Variants in NFASC observed in about 807,000 individuals in gnomAD.
NFASC encodes the protein neurofascin.
A neutral mutation model predicts 147.5 loss-of-function variants in NFASC; 43 were observed. The ratio of observed to expected loss-of-function variants is 0.29; its 90% CI spans 0.23 to 0.38. The LOEUF is 0.38. NFASC is among the 10% of genes least tolerant of loss of function. The pLI, the probability that NFASC is intolerant of heterozygous loss-of-function variation, is 1.00. For missense variants in NFASC, 1,320 were observed against 1,689.0 expected, an observed-to-expected ratio of 0.78 and a Z score of 3.83; for synonymous variants, 622 against 665.5, an observed-to-expected ratio of 0.93 and a Z score of 1.01.
chr1:204,861,078 C>CTTTTTT (rs1162020795), intron 1 of NFASC, among the ~76,000 whole-genome samples: 1 of 68,946 alleles, frequency 1.5e-5, no homozygotes. Context: ...ACTTGCTTTC[C>CTTTTTT]TTTTTTTTTT....
chr1:204,972,960 G>A (rs947535595), intron 11 of NFASC, among the ~76,000 whole-genome samples: 1 of 152,244 alleles, frequency 6.6e-6, no homozygotes, highest in Non-Finnish European at 1.5e-5. Flanking sequence ...AGGAAGTGAT[G>A]TGGTTAGAAC....
intron 2 of NFASC, among the ~76,000 whole-genome samples, chr1:204,937,152 T>G (rs2092924888): frequency 7.1e-6 from 1 of 140,002 alleles, no homozygotes. Context: ...GTTTCTTTCT[T>G]TAAAAAAAAA....
Position 204,944,367 on chromosome 1 carries a change from C to T in NFASC, c.52C>T (p.Leu18Phe). ...GGTCCATGCAGCCTTCCTCCTCTGC[C>T]TCCTCAGTCTTGGCGGAGCCATCGA... Reference protein sequence around the residue: ...PWVHAAFLLCLLSLGGAIEIP... With the variant: ...PWVHAAFLLCFLSLGGAIEIP... Residue 18 changes from leucine (L) to phenylalanine (F), a missense_variant, in exon 3 of 30, where the codon CTC becomes TTC. By Grantham distance (22) the Leu-to-Phe change is conservative (BLOSUM62 0). Around this residue, in one of 3 missense-constraint regions of NFASC, gnomAD observed 981 missense variants for 1,289.5 expected, o/e 0.76. Transcript: ENST00000339876. 2 of 1,613,156 alleles carry T rather than the reference C, an allele frequency of 1.2e-6. No homozygotes were observed. Among genetic ancestry groups the T allele is most frequent in the South Asian group, 1.1e-5 (1 of 90,994 alleles).
intron 1 of NFASC, among the ~76,000 whole-genome samples, chr1:204,894,549 AC>A (rs917818375): frequency 2.0e-5 from 3 of 152,218 alleles, no homozygotes; most frequent in African/African-American, 7.2e-5. Flanking sequence ...CCTTCTGCCT[AC>A]CACCTCTTGT....
At position 204,976,666 on chromosome 1, in the gene NFASC, TG is replaced by T; in HGVS notation, c.1707-4del. On this transcript the variant is annotated splice_polypyrimidine_tract_variant and splice_region_variant and intron_variant, in intron 15 of 29. Coordinates refer to ENST00000339876, the MANE Select transcript of NFASC (RefSeq NM_001005388.3). ...CCTCCCAACCCTTCCTCGGTACCTT[TG>T]CAGGATGAAGAAGGAAGACGACTCC... 6.2e-7 allele frequency: 1 copy of T among 1,609,370 alleles called. No homozygotes were observed. Among genetic ancestry groups the T allele is most frequent in the Non-Finnish European group, 8.5e-7 (1 of 1,176,376 alleles).
intron 1 of NFASC, among the ~76,000 whole-genome samples, chr1:204,865,097 A>G (rs896658441): frequency 2.0e-5 from 3 of 151,998 alleles, no homozygotes; most frequent in African/African-American, 7.2e-5. Context: ...CCCATTTTTG[A>G]CTCAGTTTTT....
intron 1 of NFASC, among the ~76,000 whole-genome samples, chr1:204,847,784 A>C (rs1421710755): frequency 3.9e-5 from 6 of 152,050 alleles, no homozygotes; most frequent in Admixed American, 3.9e-4. Context: ...GAGGCAGGCC[A>C]CTTTATATTT....
At position 204,986,102 on chromosome 1, in the gene NFASC, AC is replaced by A. The variant is rs777595486; in HGVS notation, c.2471-1312del. ...TCGCAGTGAGACCAAGGAGTTCACC[AC>A]CCCGGAAGGAGGTAGGTCTGGCCTG... is the stretch of plus-strand genomic sequence containing the variant. On this transcript the variant is annotated intron_variant, in intron 21 of 29. Coordinates refer to ENST00000339876, the MANE Select transcript of NFASC (RefSeq NM_001005388.3). The surrounding 1 kb of genome is among the most constrained non-coding windows in gnomAD (Gnocchi z 4.2). 48 of 1,613,410 alleles carry A rather than the reference AC, an allele frequency of 3.0e-5. No individual in the cohort carries two copies. The highest frequency in any genetic ancestry group is 4.0e-5 in the Non-Finnish European group (47 of 1,179,476).
intron 2 of NFASC, among the ~76,000 whole-genome samples, chr1:204,926,943 C>T (rs561347527): frequency 6.6e-6 from 1 of 151,882 alleles, no homozygotes. Flanking sequence ...TGCACGGCAG[C>T]GGGTGCCTGT....
rs1190795149 is a variant in NFASC at position 205,015,401 on chromosome 1, GA to G, written c.3492-906del. On this transcript the variant is annotated intron_variant, in intron 29 of 29. Transcript: ENST00000339876. The surrounding 1 kb of genome is among the most constrained non-coding windows in gnomAD (Gnocchi z 4.0). ...GCCAGCACCACCTGGTCCCCACTCT[GA>G]GCCTTTCCAGCCAAGGGAAGGGACA... Among the ~76,000 whole-genome samples the G allele has an allele frequency of 6.6e-6, 1 of 152,216 alleles. No individual in the cohort carries two copies. Among genetic ancestry groups the G allele is most frequent in the Non-Finnish European group, 1.5e-5 (1 of 68,044 alleles).
intron 1 of NFASC, among the ~76,000 whole-genome samples, chr1:204,881,381 C>A (rs2148882169): frequency 6.6e-6 from 1 of 152,294 alleles, no homozygotes; most frequent in Admixed American, 6.5e-5. Context: ...CCTCTTTTTT[C>A]TGATTGTATT....
At chr1:204,858,951 C>T (rs2076416685) in intron 1 of NFASC, among the ~76,000 whole-genome samples, 2 of 152,020 alleles carry the variant, frequency 1.3e-5, no homozygotes, top group Non-Finnish European at 2.9e-5. Context: ...CGTCTCTTGC[C>T]CTCCGCTATT....
intron 2 of NFASC, chr1:204,929,425 C>CT (rs566903970): frequency 6.6e-6 from 1 of 152,334 alleles, no homozygotes; most frequent in South Asian, 2.1e-4. Context: ...AAGACAATGA[C>CT]TGGTTGACCC....
rs1376236997 is a variant in NFASC at position 204,974,780 on chromosome 1, C to T, written c.1515C>T (p.Asn505=). The T allele has an allele frequency of 6.2e-7, 1 of 1,614,122 alleles. No individual in the cohort carries two copies. The highest frequency in any genetic ancestry group is 1.7e-5 in the Admixed American group (1 of 60,010). Residue 505 remains asparagine (N), a synonymous_variant, in exon 14 of 30, where the codon AAC becomes AAT. Coordinates refer to ENST00000339876, the MANE Select transcript of NFASC (RefSeq NM_001005388.3). ...GCATCTACACCTGTGTCGCCACCAA[C>T]ATCCTGGGCAAAGCTGAAAACCAAG... ...DQGIYTCVAT[N]ILGKAENQVR... is the part of the protein sequence containing the mutation.
intron 1 of NFASC, among the ~76,000 whole-genome samples, chr1:204,896,890 C>T (rs574233181): frequency 5.6e-4 from 85 of 152,224 alleles, no homozygotes; most frequent in Non-Finnish European, 1.1e-3. Context: ...CTAGGCACTG[C>T]GCTAGGGGCT....
intron 1 of NFASC, among the ~76,000 whole-genome samples, chr1:204,909,122 A>G (rs138210073): frequency 2.8e-4 from 42 of 152,376 alleles, no homozygotes; most frequent in African/African-American, 9.9e-4. Context: ...TTGCTGGGTC[A>G]TAAGACAGTT....
chr1:204,907,375 C>T (rs1017113933), intron 1 of NFASC, among the ~76,000 whole-genome samples: 1 of 152,064 alleles, frequency 6.6e-6, no homozygotes, highest in Non-Finnish European at 1.5e-5. Context: ...TATAGATTAT[C>T]AAGTATTTTC....
intron 1 of NFASC, among the ~76,000 whole-genome samples, chr1:204,862,724 G>A (rs776082564): frequency 2.7e-4 from 41 of 152,330 alleles, no homozygotes; most frequent in Non-Finnish European, 5.3e-4. Context: ...AGGTAGTCTG[G>A]CTAGGAAGGG....
intron 2 of NFASC, 99 bp from the exon 3 acceptor site, chr1:204,944,127 G>T: frequency 9.6e-7 from 1 of 1,038,990 alleles, no homozygotes; most frequent in Non-Finnish European, 1.4e-6. Flanking sequence ...ATTACTCTGT[G>T]ACCAAGGGGG....
Sources: allele counts gnomAD v4.1 joint callset (sites outside exome capture counted in the v4.1 genomes callset), GRCh38; gene constraint gnomAD v4.1.1; regional missense constraint gnomAD v4.1.1; non-coding constraint Gnocchi (gnomAD v3.1); transcripts MANE v1.5; gene names NCBI Gene and HGNC (gene_info 2026-07-23, HGNC 2026-07-21).